Variants in TOMM34 observed in about 807,000 individuals in gnomAD.
TOMM34 encodes the protein translocase of outer mitochondrial membrane 34.
TOMM34 carries 24 observed loss-of-function variants against 37.4 expected under a neutral mutation model. The observed-to-expected ratio is 0.64, with a 90% CI of 0.46 to 0.90. TOMM34 has a LOEUF of 0.90. Ranked by LOEUF, TOMM34 falls within the 40% of genes least tolerant of loss-of-function variation. The probability of loss-of-function intolerance (pLI) is 0.00; values close to 1 mark genes in which losing one functional copy is unlikely to be tolerated. For missense variants in TOMM34, 304 were observed against 375.6 expected, an observed-to-expected ratio of 0.81 and a Z score of 1.58; for synonymous variants, 154 against 148.9, an observed-to-expected ratio of 1.03 and a Z score of -0.25.
intron 5 of TOMM34, among the ~76,000 whole-genome samples, chr20:44,944,506 T>C (rs1263136120): frequency 6.6e-6 from 1 of 152,206 alleles, no homozygotes; most frequent in African/African-American, 2.4e-5. Context: ...AGTGATGCCA[T>C]GATGAACATC....
At chr20:44,953,343 C>G (rs1157296983) in intron 3 of TOMM34, among the ~76,000 whole-genome samples, 1 of 152,172 alleles carries the variant, frequency 6.6e-6, no homozygotes, top group Non-Finnish European at 1.5e-5. Flanking sequence ...TTAATGTAAG[C>G]TCCTTGGAAC....
At position 44,953,697 on chromosome 20, in the gene TOMM34, C is replaced by T. The variant is rs547124031; in HGVS notation, c.380+1371G>A. 7.2e-4 allele frequency among the ~76,000 whole-genome samples: 109 copies of T among 152,266 alleles called. 1 individual carries two copies. In the South Asian group the frequency reaches 7.3e-3, roughly 10 times the overall value. ...ATCTGAGTGTCTTCTTCTATTCCTCCCTTCTCGATACCCCGCAACCACTAA... is the reference window on the plus strand; with the variant it reads ...ATCTGAGTGTCTTCTTCTATTCCTCTCTTCTCGATACCCCGCAACCACTAA... On this transcript the variant is annotated intron_variant, in intron 3 of 6. Transcript: ENST00000372813.
intron 2 of TOMM34, chr20:44,955,494 A>G: frequency 1.7e-6 from 1 of 572,570 alleles, no homozygotes; most frequent in Non-Finnish European, 3.3e-6. Context: ...ATCAAGAACA[A>G]AAGCCTCATG....
At chr20:44,954,970 AAGGG>A in intron 3 of TOMM34, 94 bp downstream of exon 3, 1 of 1,455,732 alleles carries the variant, frequency 6.9e-7, no homozygotes, top group Non-Finnish European at 9.2e-7. Flanking sequence ...AGTGTAGCCA[AAGGG>A]ATCCCCTCAG....
At position 44,956,411 on chromosome 20, in the gene TOMM34, T is replaced by C. The variant is rs1568664767; in HGVS notation, c.202A>G (p.Arg68Gly). The C allele has an allele frequency of 3.7e-6, 6 of 1,614,222 alleles. No homozygotes were observed. Among genetic ancestry groups the C allele is most frequent in the Non-Finnish European group, 5.1e-6 (6 of 1,180,022 alleles). ...GAAGTGCAATCTTTGATGCAGTCTC[T>C]GCAGTTTCCATCCTTCAAGTGACAT... ...AACHLKDGNC[R>G]DCIKDCTSAL... The change falls in exon 2 of 7, where the codon AGA becomes GGA. Residue 68 changes from arginine (R) to glycine (G), a missense_variant. Physicochemically the swap from Arg to Gly is moderately radical, Grantham distance 125. Coordinates refer to ENST00000372813, the MANE Select transcript of TOMM34 (RefSeq NM_006809.5).
At chr20:44,960,163 T>A in intron 1 of TOMM34, 44 bp downstream of exon 1, 1 of 1,529,354 alleles carries the variant, frequency 6.5e-7, no homozygotes, top group South Asian at 1.2e-5. Context: ...GTTGCGGGAG[T>A]TGGAGGAGCA....
rs979855041 is a variant in TOMM34, at chr20:44,951,816, A to G, written c.550+17T>C. The G allele has an allele frequency of 4.4e-6, 7 of 1,608,406 alleles. No individual in the cohort carries two copies. The highest frequency in any genetic ancestry group is 4.0e-5 in the African/African-American group (3 of 74,758). On this transcript the variant is annotated intron_variant, in intron 4 of 6. Coordinates refer to ENST00000372813, the MANE Select transcript of TOMM34 (RefSeq NM_006809.5). Reference sequence around the variant, plus strand: ...AGTGGGAGATTGCAAGACTCTGGGCAGGGAGTCACAGCTCACCTCTGTTCT... The same window carrying G: ...AGTGGGAGATTGCAAGACTCTGGGCGGGGAGTCACAGCTCACCTCTGTTCT...
chr20:44,952,839 A>G (rs961885800), intron 3 of TOMM34: 1 of 612,894 alleles, frequency 1.6e-6, no homozygotes. Context: ...CTGTATCACT[A>G]CAAATTCCAA....
chr20:44,943,238 T>G (rs759833246), intron 6 of TOMM34, 25 bp from the exon 7 acceptor site: 23 of 1,613,060 alleles, frequency 1.4e-5, no homozygotes, highest in Non-Finnish European at 2.0e-5. Context: ...GACAGGAGTG[T>G]GGGGGAAGGT....
Position 44,943,713 on chromosome 20 carries a change from C to A in TOMM34, c.699-134G>T. On this transcript the variant is annotated intron_variant, in intron 5 of 6. Coordinates refer to ENST00000372813, the MANE Select transcript of TOMM34 (RefSeq NM_006809.5). ...CTGGTTACTTTATGTCTTCTTAAAT[C>A]CTCACAACAATCCTAGCCCTTTTCA... 1.0e-5 allele frequency: 14 copies of A among 1,338,446 alleles called. No homozygotes were observed. The South Asian group carries it at 1.7e-4, about 16-fold the overall frequency. The allele number at this position is 1,338,446 out of a possible 1,614,324, so 82.9% of individuals were successfully genotyped here. A position where few individuals can be genotyped will look rare whatever the true frequency, so the allele number is the denominator to read the frequency against.
intron 1 of TOMM34, among the ~76,000 whole-genome samples, chr20:44,957,700 T>C (rs1277661315): frequency 6.6e-6 from 1 of 152,104 alleles, no homozygotes; most frequent in African/African-American, 2.4e-5. Flanking sequence ...TGAAGTGTAG[T>C]AGCACAATCA....
chr20:44,945,021 C>T (rs1365272994), intron 5 of TOMM34, among the ~76,000 whole-genome samples: 2 of 152,150 alleles, frequency 1.3e-5, no homozygotes, highest in African/African-American at 4.8e-5. Context: ...TCTTCTAGAA[C>T]TTAATGGTTT....
intron 2 of TOMM34, 105 bp from the exon 3 acceptor site, chr20:44,955,325 G>A: frequency 7.0e-7 from 1 of 1,438,496 alleles, no homozygotes; most frequent in Non-Finnish European, 9.5e-7. Flanking sequence ...CGTACAGGAA[G>A]TAATTTCTGG....
In TOMM34 at chr20:44,960,214, C is replaced by T. The variant is rs1200924219; in HGVS notation, c.120G>A (p.Gln40=). ...ALYGRALRVL[Q]AQGSSDPEEE... ...TGGGGGCCGGGGTCGTACCTTGCGC[C>T]TGCAGCACCCGCAGCGCGCGGCCGT... Residue 40 remains glutamine (Q), a synonymous_variant, in exon 1 of 7, where the codon CAG becomes CAA. Transcript: ENST00000372813. The T allele has an allele frequency of 6.4e-7, 1 of 1,559,314 alleles. No homozygotes were observed. The highest frequency in any genetic ancestry group is 8.7e-7 in the Non-Finnish European group (1 of 1,152,966).
At position 44,948,958 on chromosome 20, in the gene TOMM34, T is replaced by C. The variant is rs1442217378; in HGVS notation, c.551-81A>G. The C allele has an allele frequency of 4.0e-6, 6 of 1,510,926 alleles. No homozygotes were observed. In the Admixed American group the frequency reaches 1.3e-4, roughly 32 times the overall value. The allele number at this position is 1,510,926 out of a possible 1,614,324, so 93.6% of individuals were successfully genotyped here. A position where few individuals can be genotyped will look rare whatever the true frequency, so the allele number is the denominator to read the frequency against. Reference sequence around the variant, plus strand: ...AGTGAGGTCTCTTCAGCATCGTCCCTTCCAAACTGACTACAATCCTCTCTC... The same window carrying C: ...AGTGAGGTCTCTTCAGCATCGTCCCCTCCAAACTGACTACAATCCTCTCTC... On this transcript the variant is annotated intron_variant, in intron 4 of 6. Coordinates refer to ENST00000372813, the MANE Select transcript of TOMM34 (RefSeq NM_006809.5).
intron 4 of TOMM34, among the ~76,000 whole-genome samples, chr20:44,949,972 A>G (rs1371417059): frequency 6.6e-6 from 1 of 152,240 alleles, no homozygotes; most frequent in Non-Finnish European, 1.5e-5. Context: ...GTTGATGCAC[A>G]GACCTGCAGC....
chr20:44,958,472 A>G (rs534858912), intron 1 of TOMM34: 16 of 457,728 alleles, frequency 3.5e-5, no homozygotes, highest in Non-Finnish European at 6.8e-5. Context: ...TGGAAAGGGC[A>G]TCAACCCTGC....
At chr20:44,954,911 C>T (rs1360809370) in intron 3 of TOMM34, among the ~76,000 whole-genome samples, 157 bp downstream of exon 3, 1 of 152,106 alleles carries the variant, frequency 6.6e-6, no homozygotes, top group Non-Finnish European at 1.5e-5. Flanking sequence ...AATAAAAAAG[C>T]AGATTTTCCT....
chr20:44,948,903 A>G, intron 4 of TOMM34, 26 bp from the exon 5 acceptor site: 1 of 1,611,672 alleles, frequency 6.2e-7, no homozygotes, highest in Non-Finnish European at 8.5e-7. Context: ...GAAGAGGAAA[A>G]AAACCATGGA....
Sources: gnomAD v4.1 joint callset for allele counts (sites outside exome capture counted in the v4.1 genomes callset) on GRCh38, gnomAD v4.1.1 for gene constraint, MANE v1.5 for transcripts, NCBI Gene and HGNC (gene_info 2026-07-23, HGNC 2026-07-21) for gene names.